Variants in FAM193A observed in about 807,000 individuals in gnomAD.
FAM193A encodes family with sequence similarity 193 member A, also known as protein FAM193A.
In FAM193A, 22 loss-of-function variants were observed where a neutral mutation model predicts 126.5. The observed-to-expected ratio is 0.17, with a 90% confidence interval of 0.12 to 0.25. The LOEUF is 0.25. FAM193A is among the 10% of genes least tolerant of loss of function. The pLI is 1.00. For synonymous variants in FAM193A, 761 were observed against 646.8 expected, an observed-to-expected ratio of 1.18 and a Z score of -2.68; for missense variants, 1,675 against 1,672.8, an observed-to-expected ratio of 1.00 and a Z score of -0.02.
chr4:2,618,589 G>A (rs958628977), intron 2 of FAM193A, among the ~76,000 whole-genome samples: 5 of 139,642 alleles, frequency 3.6e-5, no homozygotes, highest in African/African-American at 2.7e-5. Context: ...CACCATGCCC[G>A]GCTTTTTTTT....
chr4:2,589,137 T>A (rs1740387023), intron 1 of FAM193A, among the ~76,000 whole-genome samples: 1 of 152,196 alleles, frequency 6.6e-6, no homozygotes, highest in Non-Finnish European at 1.5e-5. Flanking sequence ...AAATAGTAAT[T>A]ATATTATTTA....
At chr4:2,619,732 C>A (rs1383624426) in intron 2 of FAM193A, among the ~76,000 whole-genome samples, 1 of 152,104 alleles carries the variant, frequency 6.6e-6, no homozygotes, top group African/African-American at 2.4e-5. Flanking sequence ...GTCACCCAGG[C>A]TGGAGTGCAG....
intron 2 of FAM193A, among the ~76,000 whole-genome samples, chr4:2,609,699 G>A (rs1279789043): frequency 1.3e-5 from 2 of 152,200 alleles, no homozygotes; most frequent in East Asian, 1.9e-4. Flanking sequence ...GGAGGCCGAG[G>A]CGGGTGGATC....
chr4:2,683,365 G>A (rs1438153416), intron 13 of FAM193A, among the ~76,000 whole-genome samples: 1 of 151,898 alleles, frequency 6.6e-6, no homozygotes, highest in Admixed American at 6.6e-5. Context: ...CGCCATCTCG[G>A]CTCTCTGTAA....
intron 1 of FAM193A, among the ~76,000 whole-genome samples, chr4:2,571,995 C>G (rs962638830): frequency 6.6e-6 from 1 of 151,750 alleles, no homozygotes; most frequent in Non-Finnish European, 1.5e-5. Context: ...GAAACCCCAT[C>G]TCTACTAAAG....
chr4:2,572,733 T>A (rs953925014), intron 1 of FAM193A, among the ~76,000 whole-genome samples: 22 of 150,744 alleles, frequency 1.5e-4, no homozygotes, highest in African/African-American at 5.1e-4. Flanking sequence ...GTCTTTAGAT[T>A]AAGTGCAGTT....
At position 2,711,262 on chromosome 4, in the gene FAM193A, G is replaced by T. The variant is rs182276363; in HGVS notation, c.4373-4761G>T. ...TTTTATTGATAAAAGTGTTCAGCAC[G>T]TGGAACTTTCCTCTGATCTTTTTCT... is the stretch of plus-strand genomic sequence containing the variant. On this transcript the variant is annotated intron_variant, in intron 19 of 20. Transcript: ENST00000637812. Among the ~76,000 whole-genome samples the T allele has an allele frequency of 2.0e-3, 306 of 152,140 alleles. 1 individual carries two copies. The highest frequency in any genetic ancestry group is 7.0e-3 in the African/African-American group (291 of 41,536).
intron 2 of FAM193A, among the ~76,000 whole-genome samples, chr4:2,620,210 T>C (rs1186466246): frequency 6.6e-6 from 1 of 152,206 alleles, no homozygotes; most frequent in Non-Finnish European, 1.5e-5. Context: ...GGATTTAATA[T>C]GTAGTCATCA....
rs148373296 is a variant in FAM193A at position 2,700,435 on chromosome 4, C to T, written c.4263C>T (p.Pro1421=). ...SNPTPMEPTS[P]GEHQQNSKLV... The stretch of plus-strand genomic sequence containing the variant: ...CAACCCCTATGGAGCCCACCTCTCC[C>T]GGTGAGCATCAGCAGAACAGCAAGC... Residue 1421 remains proline (P), a synonymous_variant, in exon 19 of 21, where the codon CCC becomes CCT. Coordinates refer to ENST00000637812, the MANE Select transcript of FAM193A (RefSeq NM_001366318.2). 5.6e-5 allele frequency: 90 copies of T among 1,614,146 alleles called. No homozygotes were observed. The highest frequency in any genetic ancestry group is 4.2e-4 in the East Asian group (19 of 44,874).
chr4:2,567,244 GGCCT>G (rs1560448230), intron 1 of FAM193A, among the ~76,000 whole-genome samples: 2 of 143,078 alleles, frequency 1.4e-5, no homozygotes, highest in African/African-American at 6.0e-5. Context: ...CACCACGCCC[GGCCT>G]GAGCCACCAC....
intron 7 of FAM193A, among the ~76,000 whole-genome samples, chr4:2,648,312 C>T (rs1468928423): frequency 3.3e-5 from 5 of 152,182 alleles, no homozygotes; most frequent in Non-Finnish European, 5.9e-5. Flanking sequence ...CATGACTCTG[C>T]GCCTCTTCCT....
At chr4:2,542,782 G>C (rs780390244) in intron 1 of FAM193A, among the ~76,000 whole-genome samples, 11 of 152,154 alleles carry the variant, frequency 7.2e-5, no homozygotes, top group Non-Finnish European at 1.5e-4. Flanking sequence ...AAGAGAGAAG[G>C]CCGAGTGGAA....
intron 2 of FAM193A, among the ~76,000 whole-genome samples, chr4:2,599,734 C>A (rs969620566): frequency 4.1e-5 from 6 of 146,492 alleles, no homozygotes; most frequent in Non-Finnish European, 7.5e-5. Flanking sequence ...TCTTCTCTTG[C>A]CATAGTTTTT....
intron 1 of FAM193A, among the ~76,000 whole-genome samples, chr4:2,579,910 C>G (rs1739822033): frequency 6.6e-6 from 1 of 152,108 alleles, no homozygotes; most frequent in Non-Finnish European, 1.5e-5. Flanking sequence ...CCATTCAACC[C>G]AGTAATCCCA....
At position 2,546,275 on chromosome 4, in the gene FAM193A, G is replaced by T. The variant is rs370511807; in HGVS notation, c.255+9105G>T. On this transcript the variant is annotated intron_variant, in intron 1 of 20. Coordinates refer to ENST00000637812, the MANE Select transcript of FAM193A (RefSeq NM_001366318.2). ...CCAAAGTTTTGGGATTACAGGTGTA[G>T]GCTACTGTCCCAGCCAAAATTGAAT... is the stretch of plus-strand genomic sequence containing the variant. 4.6e-5 allele frequency among the ~76,000 whole-genome samples: 7 copies of T among 152,008 alleles called. No homozygotes were observed. In the East Asian group the frequency reaches 1.4e-3, roughly 29 times the overall value.
intron 1 of FAM193A, among the ~76,000 whole-genome samples, chr4:2,550,689 G>T (rs547480000): frequency 1.3e-5 from 2 of 152,010 alleles, no homozygotes; most frequent in South Asian, 2.1e-4. Flanking sequence ...GCCCACCTCG[G>T]CCTCCCAAAG....
intron 1 of FAM193A, among the ~76,000 whole-genome samples, chr4:2,544,205 G>C (rs1385028705): frequency 6.6e-6 from 1 of 152,170 alleles, no homozygotes. Context: ...TGTACCTGCA[G>C]AGAGCATGTC....
rs943792174 is a variant in FAM193A, at chr4:2,690,819, A to G, written c.2652A>G (p.Lys884=). The G allele has an allele frequency of 7.4e-6, 12 of 1,614,208 alleles. No individual in the cohort carries two copies. The highest frequency in any genetic ancestry group is 3.3e-5 in the South Asian group (3 of 91,090). The change falls in exon 15 of 21, where the codon AAA becomes AAG. Residue 884 remains lysine (K), a synonymous_variant. Transcript: ENST00000637812. ...AGAAAAAGAATGCTGCAAAAAAGAA[A>G]TGTTTATACAATTTCCAAGATGCTT... The part of the protein sequence containing the change: ...SKEKKNAAKK[K]CLYNFQDAFM...
At chr4:2,689,072 C>A (rs961769196) in intron 13 of FAM193A, among the ~76,000 whole-genome samples, 2 of 152,214 alleles carry the variant, frequency 1.3e-5, no homozygotes, top group African/African-American at 2.4e-5. Flanking sequence ...CTGTACCTTG[C>A]CTGGGTATAA....
Sources: allele counts gnomAD v4.1 joint callset (sites outside exome capture counted in the v4.1 genomes callset), GRCh38; gene constraint gnomAD v4.1.1; transcripts MANE v1.5; gene names NCBI Gene and HGNC (gene_info 2026-07-23, HGNC 2026-07-21).